Variants in QTMAN observed in about 807,000 individuals in gnomAD.
QTMAN encodes queuosine-tRNA mannosyltransferase.
At chr2:143,974,169 A>G in the QTMAN span, among the ~76,000 whole-genome samples, 4 of 152,256 alleles carry the variant, frequency 2.6e-5, no homozygotes, top group African/African-American at 9.6e-5. Flanking sequence ...GTACGGTAGT[A>G]TGCCCAATTT....
the QTMAN span, among the ~76,000 whole-genome samples, chr2:143,997,781 A>G: frequency 6.6e-6 from 1 of 152,056 alleles, no homozygotes; most frequent in Non-Finnish European, 1.5e-5. Flanking sequence ...ACCTAGGAAA[A>G]TAAGGTTAAT....
chr2:144,050,845 G>C, the QTMAN span, among the ~76,000 whole-genome samples: 1 of 151,930 alleles, frequency 6.6e-6, no homozygotes, highest in African/African-American at 2.4e-5. Context: ...ATTTTTTAGG[G>C]AATTATGACA....
the QTMAN span, among the ~76,000 whole-genome samples, chr2:144,285,701 T>C: frequency 6.6e-6 from 1 of 152,190 alleles, no homozygotes; most frequent in South Asian, 2.1e-4. Flanking sequence ...GAAGGAGCTT[T>C]ACATTAATCA....
chr2:143,960,678 C>T, the QTMAN span, among the ~76,000 whole-genome samples: 2 of 152,014 alleles, frequency 1.3e-5, no homozygotes, highest in Non-Finnish European at 2.9e-5. Context: ...ATAAAAAACA[C>T]ACACCAGGGT....
the QTMAN span, among the ~76,000 whole-genome samples, chr2:144,146,128 C>A: frequency 2.7e-5 from 4 of 149,830 alleles, no homozygotes; most frequent in African/African-American, 9.8e-5. Flanking sequence ...ATTACACTTT[C>A]CTTCTTTATG....
At chr2:144,068,551 A>T in the QTMAN span, among the ~76,000 whole-genome samples, 5 of 152,222 alleles carry the variant, frequency 3.3e-5, no homozygotes, top group African/African-American at 1.2e-4. Context: ...AGTCCAATTA[A>T]TATGCAAATA....
chr2:144,133,428 A>ATATAAT, the QTMAN span, among the ~76,000 whole-genome samples: 1 of 45,020 alleles, frequency 2.2e-5, no homozygotes, highest in African/African-American at 1.6e-4. Context: ...TAATATATAT[A>ATATAAT]ATATATAATA....
At chr2:144,285,382 G>C in the QTMAN span, among the ~76,000 whole-genome samples, 1 of 152,098 alleles carries the variant, frequency 6.6e-6, no homozygotes, top group Non-Finnish European at 1.5e-5. Flanking sequence ...TGAGACCCCA[G>C]GACCTCCCAT....
the QTMAN span, among the ~76,000 whole-genome samples, chr2:144,184,508 C>T: frequency 2.0e-5 from 3 of 151,932 alleles, no homozygotes; most frequent in South Asian, 2.1e-4. Flanking sequence ...GGCTTAGAAA[C>T]AATATGGAAT....
At chr2:143,987,611 A>C in the QTMAN span, among the ~76,000 whole-genome samples, 1 of 152,318 alleles carries the variant, frequency 6.6e-6, no homozygotes, top group South Asian at 2.1e-4. Context: ...GTAGAAGGAT[A>C]ATATTTGAAG....
chr2:144,131,224 C>T, the QTMAN span, among the ~76,000 whole-genome samples: 2 of 151,806 alleles, frequency 1.3e-5, no homozygotes, highest in Admixed American at 6.6e-5. Flanking sequence ...ATATATACAA[C>T]GTTGAATTCA....
At chr2:143,953,641 ATAAT>A in the QTMAN span, among the ~76,000 whole-genome samples, 1 of 151,928 alleles carries the variant, frequency 6.6e-6, no homozygotes, top group East Asian at 1.9e-4. Context: ...TTAGCCCTGC[ATAAT>A]AGCTATTGAT....
At chr2:144,312,112 T>C in the QTMAN span, among the ~76,000 whole-genome samples, 1 of 151,782 alleles carries the variant, frequency 6.6e-6, no homozygotes. Context: ...AGCAGAGGGG[T>C]CATCAGTTAC....
At chr2:144,133,137 AT>A in the QTMAN span, among the ~76,000 whole-genome samples, 4 of 44,564 alleles carry the variant, frequency 9.0e-5, no homozygotes, top group African/African-American at 5.0e-4. Context: ...ATATATATAT[AT>A]ATATATATAT....
the QTMAN span, among the ~76,000 whole-genome samples, chr2:144,319,156 T>C: frequency 6.6e-6 from 1 of 152,212 alleles, no homozygotes; most frequent in East Asian, 1.9e-4. Flanking sequence ...CTATGGACAC[T>C]AACACCATAC....
the QTMAN span, among the ~76,000 whole-genome samples, chr2:144,123,980 A>G: frequency 6.6e-6 from 1 of 152,112 alleles, no homozygotes; most frequent in Non-Finnish European, 1.5e-5. Context: ...CCTCTAAACA[A>G]ACTAAAACAT....
chr2:144,176,916 AG>A, the QTMAN span, among the ~76,000 whole-genome samples: 3 of 152,194 alleles, frequency 2.0e-5, no homozygotes, highest in East Asian at 5.8e-4. Context: ...CAGGCTATAC[AG>A]GAAGCATGGC....
At chr2:144,329,953 A>C in the QTMAN span, among the ~76,000 whole-genome samples, 1 of 152,240 alleles carries the variant, frequency 6.6e-6, no homozygotes, top group Non-Finnish European at 1.5e-5. Flanking sequence ...GCCTACCAGG[A>C]AAGTGCGCAC....
At chr2:144,248,283 TAAA>T in the QTMAN span, among the ~76,000 whole-genome samples, 1 of 151,964 alleles carries the variant, frequency 6.6e-6, no homozygotes, top group Non-Finnish European at 1.5e-5. Flanking sequence ...TATTATAAAA[TAAA>T]AAAATGACAG....
Sources: allele counts gnomAD v4.1 joint callset (sites outside exome capture counted in the v4.1 genomes callset), GRCh38; gene constraint gnomAD v4.1.1; transcripts MANE v1.5; gene names NCBI Gene and HGNC (gene_info 2026-07-23, HGNC 2026-07-21).